DNMT1: variants seen among roughly 807,000 people sequenced by gnomAD.
The protein encoded by DNMT1 is DNA methyltransferase 1, also known as DNA (cytosine-5)-methyltransferase 1.
Under a neutral mutation model 205.3 loss-of-function variants are expected in DNMT1, and 24 were observed. That is an observed-to-expected ratio of 0.12 (90% CI 0.08 to 0.16). The LOEUF (loss-of-function observed/expected upper bound fraction) is 0.16, where lower values mean the gene tolerates loss of function less well. Ranked by LOEUF, DNMT1 falls within the 10% of genes least tolerant of loss-of-function variation. DNMT1 has a pLI of 1.00. For synonymous variants in DNMT1, 817 were observed against 839.8 expected, an observed-to-expected ratio of 0.97 and a Z score of 0.47; for missense variants, 1,293 against 2,177.7, an observed-to-expected ratio of 0.59 and a Z score of 8.09.
rs2038295699 is a variant in DNMT1, at chr19:10,149,742, T to G, written c.2382-85A>C. 6 of 1,608,944 alleles carry G rather than the reference T, an allele frequency of 3.7e-6. No homozygotes were observed. In the South Asian group the frequency reaches 6.6e-5, roughly 18 times the overall value. On this transcript the variant is annotated intron_variant, in intron 25 of 40. Coordinates refer to ENST00000359526, the MANE Select transcript of DNMT1 (RefSeq NM_001130823.3). ...AAGTCTATGCAGGAGCACTCGTCCT[T>G]TTCAGTTTTCATCTAGGGCAAAAAG...
chr19:10,172,851 TATCACA>T (rs1267132390), intron 9 of DNMT1, among the ~76,000 whole-genome samples: 1 of 151,914 alleles, frequency 6.6e-6, no homozygotes, highest in Non-Finnish European at 1.5e-5. Flanking sequence ...TAAAATAAAA[TATCACA>T]AATAAGTAGC....
rs760636175 is a variant in DNMT1, at chr19:10,162,655, T to C, written c.1008+12A>G. On this transcript the variant is annotated intron_variant, in intron 13 of 40. Transcript: ENST00000359526. Reference sequence around the variant, plus strand: ...AAAAAAAAAAAGAAAGAAAGAAAAGTGAGACCTTTACCTTTTCATCCTCGT... The same window carrying C: ...AAAAAAAAAAAGAAAGAAAGAAAAGCGAGACCTTTACCTTTTCATCCTCGT... 6.3e-7 allele frequency: 1 copy of C among 1,596,016 alleles called. No individual in the cohort carries two copies. Among genetic ancestry groups the C allele is most frequent in the Non-Finnish European group, 8.5e-7 (1 of 1,170,640 alleles).
intron 14 of DNMT1, 52 bp downstream of exon 14, chr19:10,160,332 A>G: frequency 1.2e-6 from 2 of 1,612,334 alleles, no homozygotes; most frequent in Non-Finnish European, 1.7e-6. Context: ...TTCTAGAACC[A>G]TCATTTTAAC....
intron 1 of DNMT1, among the ~76,000 whole-genome samples, chr19:10,191,635 A>G (rs1010138456): frequency 6.6e-6 from 1 of 152,142 alleles, no homozygotes; most frequent in Non-Finnish European, 1.5e-5. Context: ...TTTGGCAAGC[A>G]GCAGACCTTA....
At position 10,159,033 on chromosome 19, in the gene DNMT1, C is replaced by T. The variant is rs2038513772; in HGVS notation, c.1280+625G>A. On this transcript the variant is annotated intron_variant, in intron 17 of 40. Transcript: ENST00000359526. This position sits in a 1 kb window ranked among gnomAD's most constrained non-coding sequence, Gnocchi z 5.0. ...GACAGGTATCACCCATTTCTGGCTC[C>T]GTGAAGGCAGGACCTGAGCAGCTAC... Among the ~76,000 whole-genome samples, 1 of 152,162 alleles carries T rather than the reference C, an allele frequency of 6.6e-6. No homozygotes were observed. Among genetic ancestry groups the T allele is most frequent in the Admixed American group, 6.6e-5 (1 of 15,254 alleles).
chr19:10,194,765 C>G (rs2039372401), intron 1 of DNMT1, 55 bp downstream of exon 1: 1 of 1,542,882 alleles, frequency 6.5e-7, no homozygotes. Context: ...AAGCGACCCC[C>G]CACCCAGCGC....
chr19:10,152,714 T>C (rs1209448832), intron 22 of DNMT1, among the ~76,000 whole-genome samples: 1 of 151,996 alleles, frequency 6.6e-6, no homozygotes, highest in Non-Finnish European at 1.5e-5. Flanking sequence ...TGAGCTACAA[T>C]CATGCCACTG....
rs2039070518 is a variant in DNMT1, at chr19:10,182,406, CATATATAT to C, written c.81-337_81-330del. On this transcript the variant is annotated intron_variant, in intron 1 of 40. Transcript: ENST00000359526. ...ATACATATATATGTGTATATATATA[CATATATAT>C]GTGTATATATATGTGTGTATATATA... Among the ~76,000 whole-genome samples the C allele has an allele frequency of 4.2e-4, 31 of 73,238 alleles. 1 individual carries two copies. In the South Asian group the frequency reaches 0.011, roughly 26 times the overall value. The allele number at this position is 73,238 out of a possible 152,430, so 48.0% of individuals were successfully genotyped here. A position where few individuals can be genotyped will look rare whatever the true frequency, so the allele number is the denominator to read the frequency against.
Position 10,139,718 on chromosome 19 carries a change from G to A in DNMT1, c.3906C>T (p.Cys1302=), listed in dbSNP as rs540521120. The A allele has an allele frequency of 7.4e-6, 12 of 1,613,652 alleles. No individual in the cohort carries two copies. In the South Asian group the frequency reaches 1.2e-4, roughly 16 times the overall value. ...TGCACTGATAGCCCATGCGGACCAG[G>A]CAGCGGAGGGTGAGCTTCAGGACCA... ...RSMVLKLTLR[C]LVRMGYQCTF... Residue 1302 remains cysteine, a synonymous_variant, in exon 34 of 41, where the codon TGC becomes TGT. Transcript: ENST00000359526.
intron 1 of DNMT1, among the ~76,000 whole-genome samples, chr19:10,186,605 G>A (rs1225321145): frequency 1.3e-5 from 2 of 151,968 alleles, no homozygotes; most frequent in African/African-American, 2.4e-5. Context: ...TTGGGAGGCC[G>A]AGGCGGGCGG....
In DNMT1 at chr19:10,133,772, A is replaced by G; in HGVS notation, c.4865-71T>C. 1 of 1,472,536 alleles carries G rather than the reference A, an allele frequency of 6.8e-7. No individual in the cohort carries two copies. The highest frequency in any genetic ancestry group is 9.3e-7 in the Non-Finnish European group (1 of 1,074,110). 91.2% of individuals were successfully genotyped at this position (1,472,536 alleles called of 1,614,324 possible). ...TGTCACGCCACTTGACAGGCGAGTA[A>G]CAGACATGGACCATCAGGAAACATT... On this transcript the variant is annotated intron_variant, in intron 40 of 40. Transcript: ENST00000359526. This position sits in a 1 kb window ranked among gnomAD's most constrained non-coding sequence, Gnocchi z 4.1.
At position 10,173,079 on chromosome 19, in the gene DNMT1, T is replaced by C. The variant is rs780364336; in HGVS notation, c.768+11A>G. On this transcript the variant is annotated intron_variant, in intron 9 of 40. Coordinates refer to ENST00000359526, the MANE Select transcript of DNMT1 (RefSeq NM_001130823.3). ...GGAGAATTAACAAACTTAGAGGTGA[T>C]AGAGCTTTACTTTTTCATCTCTTTC... is the stretch of plus-strand genomic sequence containing the variant. The C allele has an allele frequency of 7.7e-5, 124 of 1,614,042 alleles. No homozygotes were observed. The highest frequency in any genetic ancestry group is 1.2e-4 in the South Asian group (11 of 91,086).
At chr19:10,152,621 C>T (rs1436839525) in intron 22 of DNMT1, among the ~76,000 whole-genome samples, 1 of 151,924 alleles carries the variant, frequency 6.6e-6, no homozygotes, top group Non-Finnish European at 1.5e-5. Context: ...ATTAGCTGGG[C>T]ATGGTGGCGT....
intron 34 of DNMT1, among the ~76,000 whole-genome samples, chr19:10,139,029 G>A (rs78218107): frequency 2.0e-3 from 305 of 152,344 alleles, no homozygotes; most frequent in African/African-American, 6.8e-3. Context: ...CTAGGGGACC[G>A]GGTAGCCAAG....
In DNMT1 at chr19:10,159,894, C is replaced by T; in HGVS notation, c.1118G>A (p.Gly373Glu). ...GAGGTCAGGGTCGTCCAGGTACTGC[C>T]CGCACTGAATGCACTTGGGAGGGTG... ...KTHPPKCIQC[G>E]QYLDDPDLKY... Residue 373 changes from glycine (G) to glutamate (E), a missense_variant, in exon 16 of 41, where the codon GGG (glycine) becomes GAG (glutamate). Physicochemically the swap from Gly to Glu is moderately conservative, Grantham distance 98. Coordinates refer to ENST00000359526, the MANE Select transcript of DNMT1 (RefSeq NM_001130823.3). This position sits in a 1 kb window ranked among gnomAD's most constrained non-coding sequence, Gnocchi z 5.0. 6.2e-7 allele frequency: 1 copy of T among 1,614,178 alleles called. No individual in the cohort carries two copies. Among genetic ancestry groups the T allele is most frequent in the Non-Finnish European group, 8.5e-7 (1 of 1,180,030 alleles).
intron 31 of DNMT1, 92 bp from the exon 32 acceptor site, chr19:10,141,001 T>C: frequency 6.2e-7 from 1 of 1,613,436 alleles, no homozygotes; most frequent in Non-Finnish European, 8.5e-7. Context: ...GGCCTCGCTG[T>C]CCCAGAGTCA....
intron 9 of DNMT1, among the ~76,000 whole-genome samples, chr19:10,169,039 C>T (rs1331754994): frequency 4.6e-5 from 7 of 151,990 alleles, no homozygotes; most frequent in African/African-American, 1.7e-4. Flanking sequence ...GGTTTCATCA[C>T]GTTGGCCAGA....
chr19:10,173,659 G>A (rs561190605), intron 8 of DNMT1, among the ~76,000 whole-genome samples: 3 of 152,052 alleles, frequency 2.0e-5, no homozygotes, highest in South Asian at 2.1e-4. Context: ...GCCCAGCTAA[G>A]TTTTGAATTT....
intron 1 of DNMT1, among the ~76,000 whole-genome samples, chr19:10,193,370 CTTT>C (rs1303574019): frequency 6.6e-6 from 1 of 151,824 alleles, no homozygotes; most frequent in Non-Finnish European, 1.5e-5. Flanking sequence ...AAAAGTGTTT[CTTT>C]TTTTGAGACA....
Sources: gnomAD v4.1 joint callset for allele counts (sites outside exome capture counted in the v4.1 genomes callset) on GRCh38, gnomAD v4.1.1 for gene constraint, Gnocchi (gnomAD v3.1) non-coding constraint, MANE v1.5 for transcripts, NCBI Gene and HGNC (gene_info 2026-07-23, HGNC 2026-07-21) for gene names.